The following PYGM variants were observed in gnomAD, a reference collection of about 807,000 sequenced individuals.
PYGM encodes glycogen phosphorylase, muscle form.
PYGM carries 81 observed loss-of-function variants against 99.3 expected under a neutral mutation model. The ratio of observed to expected loss-of-function variants is 0.82; its 90% CI spans 0.68 to 0.98. The LOEUF (loss-of-function observed/expected upper bound fraction) is 0.98. Among genes scored for constraint, PYGM ranks in the 50% least tolerant of loss-of-function variants. The pLI is 0.00. For missense variants in PYGM, 1,030 were observed against 1,158.1 expected (o/e 0.89, Z 1.61); for synonymous variants, 436 against 451.5 (o/e 0.97, Z 0.44).
intron 5 of PYGM, among the ~76,000 whole-genome samples, chr11:64,756,975 T>A (rs576632): frequency 1.3e-5 from 2 of 150,678 alleles, no homozygotes; most frequent in African/African-American, 4.9e-5. Flanking sequence ...ATTTTTTAAA[T>A]TTTTTTTTTG....
intron 3 of PYGM, 42 bp downstream of exon 3, chr11:64,758,395 A>G: frequency 6.2e-7 from 1 of 1,612,448 alleles, no homozygotes; most frequent in East Asian, 2.2e-5. Context: ...AGCAAGGAGG[A>G]CCCCATCGGC....
At position 64,754,877 on chromosome 11, in the gene PYGM, G is replaced by A. The variant is rs1348854811; in HGVS notation, c.856-41C>T. 6 of 1,610,158 alleles carry A rather than the reference G, an allele frequency of 3.7e-6. No individual in the cohort carries two copies. Among genetic ancestry groups the A allele is most frequent in the Admixed American group, 1.7e-5 (1 of 59,840 alleles). On this transcript the variant is annotated intron_variant, in intron 7 of 19. Coordinates refer to ENST00000164139, the MANE Select transcript of PYGM (RefSeq NM_005609.4). This position sits in a 1 kb window ranked among gnomAD's most constrained non-coding sequence, Gnocchi z 5.5. ...GGCAGCGTGAGTCAGGGCGGTGGGG[G>A]CATGGCCTAAAGCTGCGGTGGGTGT...
rs541708184 is a variant in PYGM at position 64,751,725 on chromosome 11, G to C, written c.1769-70C>G. On this transcript the variant is annotated intron_variant, in intron 14 of 19. Coordinates refer to ENST00000164139, the MANE Select transcript of PYGM (RefSeq NM_005609.4). ...GGGTAGTAGCTCCTGACAGAGGCTG[G>C]GCTGGGACACCGTAGGCCTGACTCG... 11 of 1,582,640 alleles carry C rather than the reference G, an allele frequency of 7.0e-6. No homozygotes were observed. In the East Asian group the frequency reaches 2.2e-4, roughly 32 times the overall value.
At chr11:64,746,392 G>A, downstream of PYGM, 1 of 571,134 alleles carries the variant, frequency 1.8e-6, no homozygotes, top group Non-Finnish European at 3.1e-6. Flanking sequence ...AGAGGAGTAA[G>A]GAGGCTCCCA....
chr11:64,757,667 C>T, intron 5 of PYGM, 112 bp downstream of exon 5: 1 of 1,496,646 alleles, frequency 6.7e-7, no homozygotes, highest in Non-Finnish European at 9.2e-7. Context: ...CTTAACCTCT[C>T]TGAGCCTCAG....
intron 17 of PYGM, among the ~76,000 whole-genome samples, chr11:64,749,165 G>A (rs1339993481): frequency 6.6e-6 from 1 of 151,382 alleles, no homozygotes; most frequent in Non-Finnish European, 1.5e-5. Flanking sequence ...TGGCCAAAAT[G>A]ATGAAACCCC....
Position 64,758,231 on chromosome 11 carries a change from G to A in PYGM, c.528+15C>T, listed in dbSNP as rs1485592746. Reference sequence around the variant, plus strand: ...TCCTGACTAGACCCCACAAGTTAGAGCCAAGGCTGCTCACCTGCCAGCCCC... The same window carrying A: ...TCCTGACTAGACCCCACAAGTTAGAACCAAGGCTGCTCACCTGCCAGCCCC... On this transcript the variant is annotated intron_variant, in intron 4 of 19. Transcript: ENST00000164139. The A allele has an allele frequency of 6.3e-7, 1 of 1,598,090 alleles. No individual in the cohort carries two copies. Among genetic ancestry groups the A allele is most frequent in the African/African-American group, 1.3e-5 (1 of 74,502 alleles).
In PYGM at chr11:64,755,488, AG is replaced by A. The variant is rs2135836491; in HGVS notation, c.730del (p.Leu244SerfsTer51). 1 of 1,614,144 alleles carries A rather than the reference AG, an allele frequency of 6.2e-7. No individual in the cohort carries two copies. The highest frequency in any genetic ancestry group is 8.5e-7 in the Non-Finnish European group (1 of 1,180,012). On this transcript the variant is annotated frameshift_variant, in exon 6 of 20. Transcript: ENST00000164139. LOFTEE classifies it high-confidence loss of function. This position sits in a 1 kb window ranked among gnomAD's most constrained non-coding sequence, Gnocchi z 4.1. ...YRNNVVNTMR[L>X]WSAKAPNDFN... ...GTCATTGGGAGCCTTGGCAGACCAG[AG>A]GCGCATGGTGTTGACAACATTGTTG...
chr11:64,750,832 C>T (rs2135829016), intron 16 of PYGM, among the ~76,000 whole-genome samples: 1 of 152,314 alleles, frequency 6.6e-6, no homozygotes, highest in Non-Finnish European at 1.5e-5. Flanking sequence ...GTAATTTCAC[C>T]CTGTACTGCC....
chr11:64,747,644 C>G (rs113768769), intron 17 of PYGM: 12 of 452,724 alleles, frequency 2.7e-5, no homozygotes, highest in African/African-American at 2.4e-4. Flanking sequence ...CCACTGCTGT[C>G]TCTTAACCAG....
chr11:64,759,996 G>A, upstream of PYGM: 5 of 1,548,418 alleles, frequency 3.2e-6, no homozygotes, highest in South Asian at 6.0e-5. Flanking sequence ...GCCTCAAGGG[G>A]ATTTAAAGCC....
In PYGM at chr11:64,759,899, G is replaced by A; in HGVS notation, c.-1C>T. 6.2e-7 allele frequency: 1 copy of A among 1,613,972 alleles called. No individual in the cohort carries two copies. The highest frequency in any genetic ancestry group is 8.5e-7 in the Non-Finnish European group (1 of 1,180,000). Reference sequence around the variant, plus strand: ...CTTGGTCTGACAGGGGCCGGGACATGGCTGCAGGAGGGCGGGCCGGACTGG... The same window carrying A: ...CTTGGTCTGACAGGGGCCGGGACATAGCTGCAGGAGGGCGGGCCGGACTGG... On this transcript the variant is annotated 5_prime_UTR_variant, in exon 1 of 20. Transcript: ENST00000164139.
chr11:64,752,339 A>G, intron 13 of PYGM, 64 bp downstream of exon 13: 1 of 1,567,610 alleles, frequency 6.4e-7, no homozygotes, highest in Non-Finnish European at 8.8e-7. Context: ...CGCCTGACCC[A>G]GACATCTGGC....
chr11:64,760,687 A>G (rs143460923), upstream of PYGM, among the ~76,000 whole-genome samples: 91 of 152,340 alleles, frequency 6.0e-4, no homozygotes, highest in East Asian at 0.017. Context: ...TCCCCACTCC[A>G]TCATCATACT....
chr11:64,754,220 C>T lies in PYGM; in HGVS notation c.1092+33G>A. On this transcript the variant is annotated intron_variant, in intron 9 of 19. Transcript: ENST00000164139. The surrounding 1 kb of genome is among the most constrained non-coding windows in gnomAD (Gnocchi z 5.5). ...GGGAAGGGAACCCCGAGGCAGAGAG[C>T]ATCAGATGGGGCAGAGGGGCCCTGA... 2 of 1,591,928 alleles carry T rather than the reference C, an allele frequency of 1.3e-6. No homozygotes were observed. Among genetic ancestry groups the T allele is most frequent in the Non-Finnish European group, 1.7e-6 (2 of 1,160,236 alleles).
At chr11:64,747,453 C>T (rs2058323098) in intron 17 of PYGM, 95 bp from the exon 18 acceptor site, 1 of 1,566,612 alleles carries the variant, frequency 6.4e-7, no homozygotes, top group African/African-American at 1.3e-5. Context: ...AGGGTCAAAA[C>T]CCAGGTCCAG....
Position 64,755,872 on chromosome 11 carries a change from G to C in PYGM, c.661-314C>G, listed in dbSNP as rs552307913. 6.6e-6 allele frequency among the ~76,000 whole-genome samples: 1 copy of C among 152,346 alleles called. No homozygotes were observed. Among genetic ancestry groups the C allele is most frequent in the East Asian group, 1.9e-4 (1 of 5,182 alleles). Reference sequence around the variant, plus strand: ...GTTGGCGACCACTCTGCAGCAATGGGGGCTGGGCTGGCCAGCCTGGCCTGA... The same window carrying C: ...GTTGGCGACCACTCTGCAGCAATGGCGGCTGGGCTGGCCAGCCTGGCCTGA... On this transcript the variant is annotated intron_variant, in intron 5 of 19. Transcript: ENST00000164139. The surrounding 1 kb of genome is among the most constrained non-coding windows in gnomAD (Gnocchi z 4.1).
chr11:64,750,659 G>A lies in PYGM; in HGVS notation c.1970-76C>T, dbSNP rs552165335. The A allele has an allele frequency of 2.2e-5, 31 of 1,431,464 alleles. No individual in the cohort carries two copies. The African/African-American group carries it at 4.1e-4, about 19-fold the overall frequency. The allele number at this position is 1,431,464 out of a possible 1,614,324, so 88.7% of individuals were successfully genotyped here. On this transcript the variant is annotated intron_variant, in intron 16 of 19. Coordinates refer to ENST00000164139, the MANE Select transcript of PYGM (RefSeq NM_005609.4). The stretch of plus-strand genomic sequence containing the variant: ...CAGCTGGGGACTCTCAGATTAGGCT[G>A]GCCCCAGGCATAGCTGGACTCAGAG...
rs11231866 is a variant in PYGM, at chr11:64,753,682, G to C, written c.1240C>G (p.Arg414Gly). ...TCCCCTGGGAATGCGGCCGCCACCCGCTGTGCCCAGAGAGCCCAGAGCTAG... is the reference window on the plus strand; with the variant it reads ...TCCCCTGGGAATGCGGCCGCCACCCCCTGTGCCCAGAGAGCCCAGAGCTAG... ...IYEINQRFLN[R>G]VAAAFPGDVD... is the part of the protein sequence containing the mutation. The change falls in exon 11 of 20, where the codon CGG (arginine) becomes GGG (glycine). Residue 414 changes from arginine to glycine, a missense_variant and splice_region_variant. Coordinates refer to ENST00000164139, the MANE Select transcript of PYGM (RefSeq NM_005609.4). 0.01 allele frequency: 16,117 copies of C among 1,605,310 alleles called. 1,362 individuals carry two copies. The African/African-American group carries it at 0.19, about 18-fold the overall frequency.
Sources: allele counts gnomAD v4.1 joint callset (sites outside exome capture counted in the v4.1 genomes callset), GRCh38; gene constraint gnomAD v4.1.1; non-coding constraint Gnocchi (gnomAD v3.1); transcripts MANE v1.5; gene names NCBI Gene and HGNC (gene_info 2026-07-23, HGNC 2026-07-21).